Variants in SNTG1 observed in about 807,000 individuals in gnomAD.
The protein encoded by SNTG1 is syntrophin gamma 1.
In SNTG1, 39 loss-of-function variants were observed where a neutral mutation model predicts 74.7. The observed-to-expected ratio is 0.52, with a 90% CI of 0.40 to 0.68. The LOEUF (loss-of-function observed/expected upper bound fraction) is 0.68, where lower values mean the gene tolerates loss of function less well. Among genes scored for constraint, SNTG1 ranks in the 30% least tolerant of loss-of-function variants. The probability of loss-of-function intolerance (pLI) is 0.00; values close to 1 mark genes in which losing one functional copy is unlikely to be tolerated. For missense variants in SNTG1, 685 were observed against 609.5 expected, an observed-to-expected ratio of 1.12 and a Z score of -1.30; for synonymous variants, 254 against 217.1, an observed-to-expected ratio of 1.17 and a Z score of -1.49.
chr8:50,686,927 AG>A (rs1238651286), intron 15 of SNTG1, among the ~76,000 whole-genome samples: 1 of 151,320 alleles, frequency 6.6e-6, no homozygotes, highest in Non-Finnish European at 1.5e-5. Flanking sequence ...TGAGGTCAGG[AG>A]ATCGAGACCA....
At chr8:50,017,360 A>C (rs1165524281) in intron 1 of SNTG1, among the ~76,000 whole-genome samples, 3 of 152,064 alleles carry the variant, frequency 2.0e-5, no homozygotes, top group South Asian at 2.1e-4. Flanking sequence ...TGAATAAAGA[A>C]ATTTTTAAAA....
intron 1 of SNTG1, among the ~76,000 whole-genome samples, chr8:49,930,939 A>T (rs1292462478): frequency 1.3e-5 from 2 of 152,202 alleles, no homozygotes; most frequent in African/African-American, 4.8e-5. Flanking sequence ...CATATAAAAT[A>T]GACACCTTTT....
At chr8:50,196,135 G>A (rs1001055980) in intron 2 of SNTG1, among the ~76,000 whole-genome samples, 8 of 152,150 alleles carry the variant, frequency 5.3e-5, no homozygotes, top group Non-Finnish European at 1.0e-4. Flanking sequence ...ATTGTCCCAG[G>A]AAATCACTGT....
At chr8:50,205,282 T>A (rs1474603347) in intron 2 of SNTG1, among the ~76,000 whole-genome samples, 4 of 152,236 alleles carry the variant, frequency 2.6e-5, no homozygotes, top group Admixed American at 2.0e-4. Flanking sequence ...TGTGATGGTA[T>A]CTCATTGTGG....
chr8:50,353,651 C>T (rs2091735118), intron 2 of SNTG1, among the ~76,000 whole-genome samples: 1 of 152,136 alleles, frequency 6.6e-6, no homozygotes, highest in South Asian at 2.1e-4. Flanking sequence ...ATTTGAGCTA[C>T]GTTGAGCCTG....
chr8:50,445,172 G>A (rs1228283239), intron 5 of SNTG1, among the ~76,000 whole-genome samples: 1 of 152,146 alleles, frequency 6.6e-6, no homozygotes, highest in Non-Finnish European at 1.5e-5. Flanking sequence ...ATCAAACGAA[G>A]TATGTTGGCA....
intron 1 of SNTG1, among the ~76,000 whole-genome samples, chr8:49,967,269 A>C (rs1811227326): frequency 6.6e-6 from 1 of 152,204 alleles, no homozygotes. Flanking sequence ...CTGGCTTTGG[A>C]GTCTGTCCTC....
intron 18 of SNTG1, among the ~76,000 whole-genome samples, chr8:50,781,329 G>T (rs1336107398): frequency 6.6e-6 from 1 of 152,084 alleles, no homozygotes; most frequent in Non-Finnish European, 1.5e-5. Flanking sequence ...TTATTATTGT[G>T]TGGGAGTCTA....
At chr8:50,252,357 G>A (rs1350049465) in intron 2 of SNTG1, among the ~76,000 whole-genome samples, 3 of 151,958 alleles carry the variant, frequency 2.0e-5, no homozygotes. Flanking sequence ...AACTAATAAA[G>A]CTCAGACCTA....
At chr8:50,782,189 T>C (rs1313165872) in intron 18 of SNTG1, among the ~76,000 whole-genome samples, 1 of 152,144 alleles carries the variant, frequency 6.6e-6, no homozygotes, top group Admixed American at 6.5e-5. Flanking sequence ...TGTCTTGGAG[T>C]TGCTCTTCTC....
intron 2 of SNTG1, among the ~76,000 whole-genome samples, chr8:50,323,255 G>C (rs2090602686): frequency 6.6e-6 from 1 of 151,700 alleles, no homozygotes. Flanking sequence ...TCTGTGTTTT[G>C]TTGAATTTCC....
chr8:50,644,787 G>C (rs898061469), intron 13 of SNTG1, among the ~76,000 whole-genome samples: 2 of 152,126 alleles, frequency 1.3e-5, no homozygotes, highest in South Asian at 2.1e-4. Flanking sequence ...GTTCTGCAGG[G>C]TTAGGAGTGT....
At chr8:50,280,093 T>G (rs1265068476) in intron 2 of SNTG1, among the ~76,000 whole-genome samples, 1 of 152,200 alleles carries the variant, frequency 6.6e-6, no homozygotes, top group Non-Finnish European at 1.5e-5. Context: ...AGAGACATAT[T>G]TGGGGTAGCA....
intron 2 of SNTG1, among the ~76,000 whole-genome samples, chr8:50,220,170 T>A (rs2084992821): frequency 6.6e-6 from 1 of 152,080 alleles, no homozygotes; most frequent in Non-Finnish European, 1.5e-5. Flanking sequence ...TTGATCATGA[T>A]ACCACAATCC....
intron 1 of SNTG1, among the ~76,000 whole-genome samples, chr8:49,980,679 T>G (rs1279445859): frequency 6.6e-6 from 1 of 152,088 alleles, no homozygotes; most frequent in East Asian, 1.9e-4. Context: ...ACTTTTATAT[T>G]ATACATTATA....
intron 18 of SNTG1, among the ~76,000 whole-genome samples, chr8:50,753,398 A>T (rs1406493623): frequency 6.6e-6 from 1 of 151,986 alleles, no homozygotes; most frequent in East Asian, 1.9e-4. Flanking sequence ...CTGGTGAAAG[A>T]TGTTAATATT....
At chr8:50,024,494 T>A (rs558597718) in intron 1 of SNTG1, among the ~76,000 whole-genome samples, 15 of 152,264 alleles carry the variant, frequency 9.9e-5, no homozygotes, top group African/African-American at 3.1e-4. Flanking sequence ...TTACTCTCAA[T>A]ACATTTTCTG....
intron 17 of SNTG1, among the ~76,000 whole-genome samples, chr8:50,709,770 C>G (rs967980345): frequency 6.6e-6 from 1 of 152,206 alleles, no homozygotes; most frequent in Non-Finnish European, 1.5e-5. Flanking sequence ...AAGACATCCT[C>G]TTCCCTCTCA....
intron 2 of SNTG1, among the ~76,000 whole-genome samples, chr8:50,349,634 T>G (rs868253600): frequency 7.2e-5 from 11 of 152,166 alleles, no homozygotes; most frequent in African/African-American, 2.7e-4. Context: ...GTTCTAGAGG[T>G]CCAGTGAGAT....
Sources: gnomAD v4.1 joint callset for allele counts (sites outside exome capture counted in the v4.1 genomes callset) on GRCh38, gnomAD v4.1.1 for gene constraint, MANE v1.5 for transcripts, NCBI Gene and HGNC (gene_info 2026-07-23, HGNC 2026-07-21) for gene names.